Variants in LRRC51 observed in about 807,000 individuals in gnomAD.
LRRC51 encodes the protein leucine rich repeat containing 51, also known as leucine-rich repeat-containing protein 51.
LRRC51 carries 8 observed loss-of-function variants against 17.8 expected under a neutral mutation model. The ratio of observed to expected loss-of-function variants is 0.45; its 90% CI spans 0.26 to 0.81. LRRC51 has a LOEUF of 0.81. Ranked by LOEUF, LRRC51 falls within the 30% of genes least tolerant of loss-of-function variation. The pLI is 0.17. For missense variants in LRRC51, 233 were observed against 239.3 expected (o/e 0.97, Z 0.17); for synonymous variants, 92 against 96.0 (o/e 0.96, Z 0.24).
At chr11:72,095,207 G>T (rs1945114789) in intron 5 of LRRC51, 111 bp downstream of exon 5, 1 of 1,559,954 alleles carries the variant, frequency 6.4e-7, no homozygotes, top group African/African-American at 1.4e-5. Context: ...ACCTGGGAAG[G>T]GAGTAACAGA....
intron 1 of LRRC51, among the ~76,000 whole-genome samples, chr11:72,084,305 A>G (rs907831067): frequency 6.6e-6 from 1 of 152,220 alleles, no homozygotes; most frequent in African/African-American, 2.4e-5. Context: ...TCATGTTGCA[A>G]CTTGCCTGAG....
chr11:72,090,272 G>A (rs1481787715), intron 3 of LRRC51, among the ~76,000 whole-genome samples: 2 of 152,224 alleles, frequency 1.3e-5, no homozygotes. Flanking sequence ...TGCAATGACA[G>A]AGGTGGGAAG....
At chr11:72,092,753 G>A (rs1468509775) in intron 3 of LRRC51, among the ~76,000 whole-genome samples, 1 of 152,208 alleles carries the variant, frequency 6.6e-6, no homozygotes, top group African/African-American at 2.4e-5. Context: ...TCTTCATGCT[G>A]TTCCCTGCCT....
chr11:72,085,197 G>C (rs1420945910), intron 1 of LRRC51, among the ~76,000 whole-genome samples: 1 of 152,162 alleles, frequency 6.6e-6, no homozygotes, highest in Non-Finnish European at 1.5e-5. Context: ...CAGAATAGCA[G>C]ATGGGAAAGA....
At chr11:72,088,270 T>G in intron 1 of LRRC51, 27 bp from the exon 2 acceptor site, 1 of 674,786 alleles carries the variant, frequency 1.5e-6, no homozygotes, top group Non-Finnish European at 2.7e-6. Flanking sequence ...AAGTGACTGA[T>G]AACAACATTG....
At chr11:72,092,561 A>T (rs1288247445) in intron 3 of LRRC51, among the ~76,000 whole-genome samples, 1 of 151,992 alleles carries the variant, frequency 6.6e-6, no homozygotes, top group Non-Finnish European at 1.5e-5. Context: ...TGCTTTAAAC[A>T]CTCCAGTGCC....
At chr11:72,081,305 C>T (rs924653376) in intron 1 of LRRC51, among the ~76,000 whole-genome samples, 6 of 152,094 alleles carry the variant, frequency 3.9e-5, no homozygotes, top group African/African-American at 1.2e-4. Flanking sequence ...TCCAGTGGCC[C>T]CAGCTACTAG....
intron 3 of LRRC51, among the ~76,000 whole-genome samples, chr11:72,091,176 G>A (rs1186692346): frequency 1.3e-5 from 2 of 152,212 alleles, no homozygotes; most frequent in Non-Finnish European, 2.9e-5. Context: ...GATTCCCTCT[G>A]AGCTTGGCCT....
intron 4 of LRRC51, 28 bp from the exon 5 acceptor site, chr11:72,094,920 C>G: frequency 6.2e-7 from 1 of 1,614,156 alleles, no homozygotes; most frequent in Non-Finnish European, 8.5e-7. Context: ...TCCTGTCTAG[C>G]CTGGCTTTTG....
At chr11:72,085,838 T>G (rs1944501603) in intron 1 of LRRC51, 1 of 152,568 alleles carries the variant, frequency 6.6e-6, no homozygotes. Flanking sequence ...GTAGGCTGAC[T>G]GTGGGCTAGT....
chr11:72,089,718 A>T, intron 3 of LRRC51: 1 of 630,286 alleles, frequency 1.6e-6, no homozygotes, highest in Non-Finnish European at 2.2e-6. Flanking sequence ...AATTTCTTAC[A>T]CTCATTCCAG....
rs528675945 is a variant in LRRC51 at position 72,082,414 on chromosome 11, T to C, written c.-140+1529T>C. 3.9e-5 allele frequency among the ~76,000 whole-genome samples: 6 copies of C among 152,262 alleles called. No homozygotes were observed. In the East Asian group the frequency reaches 1.2e-3, roughly 29 times the overall value. ...TTGGGTACCCCTCCACACCCACAAC[T>C]TCATTTTCCACCTGTATGCAAATGT... is the stretch of plus-strand genomic sequence containing the variant. On this transcript the variant is annotated intron_variant, in intron 1 of 5. Coordinates refer to ENST00000289488, the MANE Select transcript of LRRC51 (RefSeq NM_145309.6).
At chr11:72,088,267 T>C in intron 1 of LRRC51, 30 bp from the exon 2 acceptor site, 3 of 668,460 alleles carry the variant, frequency 4.5e-6, no homozygotes, top group Non-Finnish European at 8.2e-6. Context: ...TGCAAGTGAC[T>C]GATAACAACA....
chr11:72,093,008 A>T (rs1944951526), intron 3 of LRRC51, among the ~76,000 whole-genome samples: 1 of 152,174 alleles, frequency 6.6e-6, no homozygotes, highest in South Asian at 2.1e-4. Flanking sequence ...TCTGGAACAG[A>T]CTGTCTCTCA....
intron 1 of LRRC51, among the ~76,000 whole-genome samples, chr11:72,084,739 AGGT>A (rs1944424571): frequency 6.7e-6 from 1 of 149,594 alleles, no homozygotes; most frequent in African/African-American, 2.5e-5. Context: ...CAGGAAGCTA[AGGT>A]GGTGGGATTG....
At position 72,095,564 on chromosome 11, in the gene LRRC51, G is replaced by T. The variant is rs1249828367; in HGVS notation, c.*44G>T. On this transcript the variant is annotated 3_prime_UTR_variant, in exon 6 of 6. Transcript: ENST00000289488. ...AGTCCTAAAGGCCTAAGCATAGACA[G>T]CATGGTTTGACAATAAATAATTTGA... The T allele has an allele frequency of 6.2e-7, 1 of 1,600,698 alleles. No individual in the cohort carries two copies. Among genetic ancestry groups the T allele is most frequent in the South Asian group, 1.1e-5 (1 of 89,148 alleles).
intron 3 of LRRC51, chr11:72,089,670 A>G (rs1473811238): frequency 2.0e-6 from 2 of 992,368 alleles, no homozygotes; most frequent in Admixed American, 4.8e-5. Context: ...GGTCTTATCT[A>G]CAAACTGGCA....
intron 3 of LRRC51, among the ~76,000 whole-genome samples, chr11:72,091,852 C>G (rs1944883414): frequency 6.6e-6 from 1 of 152,304 alleles, no homozygotes. Flanking sequence ...TCCCAAAGTG[C>G]TGGGATTACA....
chr11:72,095,500 A>G lies in LRRC51; in HGVS notation c.559A>G (p.Thr187Ala), dbSNP rs1334685086. The change falls in exon 6 of 6, where the codon ACC becomes GCC. Residue 187 changes from threonine (T) to alanine (A), a missense_variant. Thr to Ala is a moderately conservative substitution (Grantham distance 58). Coordinates refer to ENST00000289488, the MANE Select transcript of LRRC51 (RefSeq NM_145309.6). ...GAACATCAAGCCCAAGAAGGCCTGG[A>G]CCAAGCAGAATACACTTTGAGGCTC... The part of the protein sequence containing the change: ...RMNIKPKKAW[T>A]KQNTL 1 of 1,613,984 alleles carries G rather than the reference A, an allele frequency of 6.2e-7. No individual in the cohort carries two copies. The highest frequency in any genetic ancestry group is 8.5e-7 in the Non-Finnish European group (1 of 1,179,956).
Sources: gnomAD v4.1 joint callset for allele counts (sites outside exome capture counted in the v4.1 genomes callset) on GRCh38, gnomAD v4.1.1 for gene constraint, MANE v1.5 for transcripts, NCBI Gene and HGNC (gene_info 2026-07-23, HGNC 2026-07-21) for gene names.